Variants in PLXDC2 observed in about 807,000 individuals in gnomAD.
PLXDC2 encodes the protein plexin domain-containing protein 2.
In PLXDC2, 40 loss-of-function variants were observed where a neutral mutation model predicts 68.9. The observed-to-expected ratio is 0.58, with a 90% CI of 0.45 to 0.76. The LOEUF (loss-of-function observed/expected upper bound fraction) is 0.76, where lower values mean the gene tolerates loss of function less well. Among genes scored for constraint, PLXDC2 ranks in the 30% least tolerant of loss-of-function variants. The pLI, the probability that PLXDC2 is intolerant of heterozygous loss-of-function variation, is 0.00. For missense variants in PLXDC2, 644 were observed against 661.9 expected (o/e 0.97, Z 0.30); for synonymous variants, 243 against 234.2 (o/e 1.04, Z -0.34).
intron 1 of PLXDC2, among the ~76,000 whole-genome samples, chr10:19,852,493 A>C (rs1405998120): frequency 6.7e-6 from 1 of 150,338 alleles, no homozygotes; most frequent in Non-Finnish European, 1.5e-5. Flanking sequence ...TTGCATATTA[A>C]ACCTTGAGGA....
chr10:19,861,289 C>T (rs1028500548), intron 1 of PLXDC2, among the ~76,000 whole-genome samples: 3 of 152,070 alleles, frequency 2.0e-5, no homozygotes, highest in Non-Finnish European at 4.4e-5. Context: ...CCCACCTCTG[C>T]CTCCCAAAGT....
intron 4 of PLXDC2, among the ~76,000 whole-genome samples, chr10:20,096,132 A>G (rs943490924): frequency 1.3e-5 from 2 of 152,120 alleles, no homozygotes; most frequent in African/African-American, 4.8e-5. Flanking sequence ...GAAAAGCCTT[A>G]GCTGGAATAA....
chr10:20,268,295 A>G (rs973256349), intron 13 of PLXDC2, among the ~76,000 whole-genome samples: 3 of 152,232 alleles, frequency 2.0e-5, no homozygotes, highest in African/African-American at 7.2e-5. Context: ...TTAAAAACAT[A>G]CACCATTTTG....
At chr10:19,988,857 G>A (rs11011720) in intron 1 of PLXDC2, among the ~76,000 whole-genome samples, 12,244 of 127,494 alleles carry the variant, frequency 0.096, 1,027 homozygotes, top group East Asian at 0.5. Context: ...GTGCAATGGC[G>A]CCATCTCTGC....
chr10:20,279,891 G>C lies in PLXDC2; in HGVS notation c.*72G>C, dbSNP rs1836058957. Reference sequence around the variant, plus strand: ...ACTAAAATTTTGCCTATACCTTTAAGACAAACAAACAAACACACACACAAA... The same window carrying C: ...ACTAAAATTTTGCCTATACCTTTAACACAAACAAACAAACACACACACAAA... On this transcript the variant is annotated 3_prime_UTR_variant, in exon 14 of 14. Coordinates refer to ENST00000377252, the MANE Select transcript of PLXDC2 (RefSeq NM_032812.9). 1 of 1,163,076 alleles carries C rather than the reference G, an allele frequency of 8.6e-7. No homozygotes were observed. The highest frequency in any genetic ancestry group is 1.3e-6 in the Non-Finnish European group (1 of 780,296). 72.0% of individuals were successfully genotyped at this position (1,163,076 alleles called of 1,614,324 possible). A position where few individuals can be genotyped will look rare whatever the true frequency, so the allele number is the denominator to read the frequency against.
At chr10:20,061,085 AT>A (rs1836094114) in intron 3 of PLXDC2, among the ~76,000 whole-genome samples, 1 of 152,196 alleles carries the variant, frequency 6.6e-6, no homozygotes, top group Non-Finnish European at 1.5e-5. Context: ...AGTGCCATAA[AT>A]TTTAACTCCT....
At chr10:20,270,630 C>G (rs1201817420) in intron 13 of PLXDC2, among the ~76,000 whole-genome samples, 1 of 151,908 alleles carries the variant, frequency 6.6e-6, no homozygotes. Context: ...CTGCAATCTC[C>G]GCCTGCCAGG....
chr10:20,002,938 G>A (rs985660962), intron 2 of PLXDC2, among the ~76,000 whole-genome samples: 43 of 152,132 alleles, frequency 2.8e-4, no homozygotes, highest in African/African-American at 1.0e-3. Flanking sequence ...GTTAAATATG[G>A]AACAGTTCTG....
intron 1 of PLXDC2, among the ~76,000 whole-genome samples, chr10:19,907,126 C>G (rs1478823094): frequency 6.6e-6 from 1 of 152,060 alleles, no homozygotes; most frequent in Non-Finnish European, 1.5e-5. Flanking sequence ...GAAATGTGTT[C>G]ATTAAATTTC....
At chr10:20,201,265 G>T (rs1177989062) in intron 9 of PLXDC2, among the ~76,000 whole-genome samples, 1 of 152,020 alleles carries the variant, frequency 6.6e-6, no homozygotes, top group African/African-American at 2.4e-5. Context: ...TACATTAAGT[G>T]TTTCACTGAT....
At chr10:20,133,277 G>A (rs897613802) in intron 4 of PLXDC2, among the ~76,000 whole-genome samples, 4 of 152,118 alleles carry the variant, frequency 2.6e-5, no homozygotes, top group African/African-American at 9.7e-5. Flanking sequence ...GAGTGTGATT[G>A]CATTCTGACC....
intron 1 of PLXDC2, among the ~76,000 whole-genome samples, chr10:19,855,455 G>T (rs1412183533): frequency 1.3e-5 from 2 of 152,088 alleles, no homozygotes; most frequent in African/African-American, 4.8e-5. Flanking sequence ...TATTTGAACT[G>T]TCTAAACCTT....
At chr10:19,948,169 G>A (rs1299138460) in intron 1 of PLXDC2, among the ~76,000 whole-genome samples, 2 of 151,962 alleles carry the variant, frequency 1.3e-5, no homozygotes, top group African/African-American at 4.8e-5. Context: ...AGGTATCCTT[G>A]GCATGTGTTA....
intron 1 of PLXDC2, among the ~76,000 whole-genome samples, chr10:19,933,857 G>T (rs1471434755): frequency 8.8e-6 from 1 of 114,098 alleles, no homozygotes; most frequent in Non-Finnish European, 1.7e-5. Context: ...AAGGAAGGAA[G>T]GAAAGGGAGG....
rs1275685310 is a variant in PLXDC2, at chr10:20,282,886, C to G, written c.*3067C>G. On this transcript the variant is annotated 3_prime_UTR_variant, in exon 14 of 14. Coordinates refer to ENST00000377252, the MANE Select transcript of PLXDC2 (RefSeq NM_032812.9). ...TTTGCCAATCTCTTATATGTAGCTT[C>G]TAGAGTTGTGCTGTCCAATATTATA... 1 of 152,202 alleles carries G rather than the reference C, an allele frequency of 6.6e-6. No individual in the cohort carries two copies. Among genetic ancestry groups the G allele is most frequent in the Non-Finnish European group, 1.5e-5 (1 of 68,026 alleles). 9.4% of individuals were successfully genotyped at this position (152,202 alleles called of 1,614,324 possible).
chr10:20,223,371 G>C (rs1188552666), intron 12 of PLXDC2, among the ~76,000 whole-genome samples: 1 of 147,974 alleles, frequency 6.8e-6, no homozygotes, highest in African/African-American at 2.5e-5. Context: ...GGAGTGCAGT[G>C]ACGCGAACTT....
At chr10:20,027,784 A>G (rs1440269933) in intron 2 of PLXDC2, among the ~76,000 whole-genome samples, 1 of 152,146 alleles carries the variant, frequency 6.6e-6, no homozygotes, top group African/African-American at 2.4e-5. Context: ...GAACACGTAT[A>G]GGTGCAACCT....
intron 1 of PLXDC2, among the ~76,000 whole-genome samples, chr10:19,897,496 C>T (rs11011663): frequency 0.095 from 14,477 of 152,038 alleles, 1,016 homozygotes; most frequent in African/African-American, 0.19. Context: ...CCACCTGCCT[C>T]GGCCTCCCAA....
chr10:20,025,153 T>C (rs1176300191), intron 2 of PLXDC2, among the ~76,000 whole-genome samples: 1 of 152,192 alleles, frequency 6.6e-6, no homozygotes, highest in African/African-American at 2.4e-5. Flanking sequence ...TTTTAATTTC[T>C]TTGAGAAATT....
Sources: gnomAD v4.1 joint callset for allele counts (sites outside exome capture counted in the v4.1 genomes callset) on GRCh38, gnomAD v4.1.1 for gene constraint, MANE v1.5 for transcripts, NCBI Gene and HGNC (gene_info 2026-07-23, HGNC 2026-07-21) for gene names.